Variants in AP4E1 observed in about 807,000 individuals in gnomAD.
AP4E1 encodes AP-4 complex subunit epsilon-1.
In AP4E1, 56 loss-of-function variants were observed where a neutral mutation model predicts 128.2. That is an observed-to-expected ratio of 0.44 (90% CI 0.35 to 0.55). The LOEUF (loss-of-function observed/expected upper bound fraction) is 0.55, where lower values mean the gene tolerates loss of function less well. AP4E1 is among the 20% of genes least tolerant of loss of function. AP4E1 has a pLI of 0.00. For missense variants in AP4E1, 1,324 were observed against 1,307.7 expected, an observed-to-expected ratio of 1.01 and a Z score of -0.19; for synonymous variants, 484 against 473.1, an observed-to-expected ratio of 1.02 and a Z score of -0.30.
intron 4 of AP4E1, among the ~76,000 whole-genome samples, chr15:50,924,749 TAC>T (rs2063749137): frequency 1.3e-5 from 2 of 152,216 alleles, no homozygotes; most frequent in African/African-American, 2.4e-5. Flanking sequence ...CTTTTAAACT[TAC>T]ATTCATATTA....
chr15:50,933,465 G>A (rs2063861948), intron 7 of AP4E1, among the ~76,000 whole-genome samples: 4 of 152,038 alleles, frequency 2.6e-5, no homozygotes, highest in Admixed American at 2.6e-4. Flanking sequence ...GATTTATCTT[G>A]ATCTTGTTCA....
intron 8 of AP4E1, among the ~76,000 whole-genome samples, chr15:50,936,325 G>A (rs957819777): frequency 1.3e-5 from 2 of 151,582 alleles, no homozygotes; most frequent in Non-Finnish European, 2.9e-5. Flanking sequence ...AAAGTCTTTC[G>A]GGAAATTCTG....
intron 3 of AP4E1, among the ~76,000 whole-genome samples, chr15:50,919,926 G>T (rs12912295): frequency 6.6e-6 from 1 of 151,332 alleles, no homozygotes; most frequent in Non-Finnish European, 1.5e-5. Context: ...AGAATACAAA[G>T]ATTAGCCTTG....
intron 3 of AP4E1, among the ~76,000 whole-genome samples, chr15:50,921,749 T>G (rs920160874): frequency 6.6e-6 from 1 of 152,248 alleles, no homozygotes; most frequent in Non-Finnish European, 1.5e-5. Context: ...ACTCAAAGCT[T>G]GTATACCTCA....
chr15:50,933,788 G>A (rs946825954), intron 7 of AP4E1, among the ~76,000 whole-genome samples: 1 of 152,076 alleles, frequency 6.6e-6, no homozygotes, highest in South Asian at 2.1e-4. Flanking sequence ...TCTGAAAGAT[G>A]TAATTAATTT....
intron 6 of AP4E1, 26 bp from the exon 7 acceptor site, chr15:50,930,779 A>G: frequency 6.2e-6 from 10 of 1,613,516 alleles, no homozygotes; most frequent in Non-Finnish European, 8.5e-6. Context: ...CGTTATTAAC[A>G]AAGTTTTTTT....
intron 3 of AP4E1, among the ~76,000 whole-genome samples, chr15:50,922,380 C>A (rs1217391045): frequency 6.6e-6 from 1 of 152,000 alleles, no homozygotes; most frequent in African/African-American, 2.4e-5. Flanking sequence ...TCATCTCTTT[C>A]TTGGCCCGGG....
chr15:50,943,567 C>T (rs1337200276), intron 10 of AP4E1, among the ~76,000 whole-genome samples: 2 of 152,082 alleles, frequency 1.3e-5, no homozygotes, highest in East Asian at 3.8e-4. Flanking sequence ...AGCCGTTCTG[C>T]TTTAACAGAT....
At position 50,984,022 on chromosome 15, in the gene AP4E1, T is replaced by C. The variant is rs775942109; in HGVS notation, c.1967T>C (p.Val656Ala). 3 of 1,612,638 alleles carry C rather than the reference T, an allele frequency of 1.9e-6. No individual in the cohort carries two copies. The highest frequency in any genetic ancestry group is 2.5e-6 in the Non-Finnish European group (3 of 1,178,998). ...CTCTGTTATTATTTTAAAATTCTAG[T>C]TCTCAATTTTGAACCATATGGACTC... ...RQEEKLSQEKVLNFEPYGLSF... is the reference protein window; with the variant it reads ...RQEEKLSQEKALNFEPYGLSF... Residue 656 changes from valine to alanine, a missense_variant and splice_region_variant, in exon 16 of 21, where the codon GTT (valine) becomes GCT (alanine). Physicochemically the swap from Val to Ala is moderately conservative, Grantham distance 64. Coordinates refer to ENST00000261842, the MANE Select transcript of AP4E1 (RefSeq NM_007347.5).
At chr15:50,931,494 A>G (rs1185967380) in intron 7 of AP4E1, among the ~76,000 whole-genome samples, 2 of 152,120 alleles carry the variant, frequency 1.3e-5, no homozygotes, top group Admixed American at 1.3e-4. Flanking sequence ...TGAACCCAGG[A>G]GGTGTAGGTT....
At chr15:50,972,193 A>G (rs1365852330) in intron 15 of AP4E1, among the ~76,000 whole-genome samples, 6 of 136,696 alleles carry the variant, frequency 4.4e-5, no homozygotes, top group Non-Finnish European at 9.8e-5. Flanking sequence ...TATAGTCTTC[A>G]TGTAGTTTCT....
In AP4E1 at chr15:50,993,347, G is replaced by T; in HGVS notation, c.2091-23G>T. 1.9e-6 allele frequency: 3 copies of T among 1,613,302 alleles called. No homozygotes were observed. The South Asian group carries it at 3.3e-5, about 18-fold the overall frequency. On this transcript the variant is annotated intron_variant, in intron 16 of 20. Coordinates refer to ENST00000261842, the MANE Select transcript of AP4E1 (RefSeq NM_007347.5). Reference sequence around the variant, plus strand: ...TATTAGCAGTTATTTAAGTTGACTTGATTTTATTATCAACCTCCTTAGGAC... The same window carrying T: ...TATTAGCAGTTATTTAAGTTGACTTTATTTTATTATCAACCTCCTTAGGAC...
intron 8 of AP4E1, among the ~76,000 whole-genome samples, chr15:50,938,759 A>G (rs2063943768): frequency 6.6e-6 from 1 of 152,038 alleles, no homozygotes. Context: ...AGCAGTAATG[A>G]GGTACCCCTC....
rs773401141 is a variant in AP4E1 at position 50,968,350 on chromosome 15, C to G, written c.1939C>G (p.Gln647Glu). 4 of 1,613,308 alleles carry G rather than the reference C, an allele frequency of 2.5e-6. No individual in the cohort carries two copies. In the South Asian group the frequency reaches 4.4e-5, roughly 18 times the overall value. Residue 647 changes from glutamine to glutamate, a missense_variant, in exon 15 of 21, where the codon CAG becomes GAG. Gln to Glu is a conservative substitution (Grantham distance 29, BLOSUM62 2). Transcript: ENST00000261842. The part of the protein sequence containing the change: ...AAPYKPPHQR[Q>E]EEKLSQEKVL... ...GCCTTACAAACCTCCCCATCAACGC[C>G]AGGAGGAAAAGCTTTCTCAGGAAAA...
chr15:51,000,977 A>G (rs2064954348), intron 19 of AP4E1, 49 bp from the exon 20 acceptor site: 1 of 1,437,874 alleles, frequency 7.0e-7, no homozygotes, highest in Non-Finnish European at 9.8e-7. Flanking sequence ...GTTGTTTAGA[A>G]TCATTTCACT....
At chr15:50,944,268 G>A (rs996293604) in intron 10 of AP4E1, among the ~76,000 whole-genome samples, 1 of 152,082 alleles carries the variant, frequency 6.6e-6, no homozygotes, top group Non-Finnish European at 1.5e-5. Flanking sequence ...TGTAGCTTGG[G>A]GTAGGATTCC....
At chr15:50,927,896 G>C (rs987690512) in intron 5 of AP4E1, among the ~76,000 whole-genome samples, 2 of 152,174 alleles carry the variant, frequency 1.3e-5, no homozygotes, top group African/African-American at 4.8e-5. Context: ...GATGTTTGCT[G>C]CTGTTCTGAG....
chr15:50,913,585 G>T (rs1160295942), intron 2 of AP4E1, among the ~76,000 whole-genome samples: 1 of 152,186 alleles, frequency 6.6e-6, no homozygotes, highest in African/African-American at 2.4e-5. Flanking sequence ...TTCTTGCATT[G>T]GGGAATGCAC....
At chr15:50,927,869 A>AAATAC (rs2063787377) in intron 5 of AP4E1, among the ~76,000 whole-genome samples, 1 of 152,194 alleles carries the variant, frequency 6.6e-6, no homozygotes, top group Admixed American at 6.5e-5. Context: ...CCCTAAAAGT[A>AAATAC]AATACTTCAC....
Sources: allele counts gnomAD v4.1 joint callset (sites outside exome capture counted in the v4.1 genomes callset), GRCh38; gene constraint gnomAD v4.1.1; transcripts MANE v1.5; gene names NCBI Gene and HGNC (gene_info 2026-07-23, HGNC 2026-07-21).